ZNF197: variants seen among roughly 807,000 people sequenced by gnomAD.
ZNF197 encodes zinc finger protein 197.
In ZNF197, 14 loss-of-function variants were observed where a neutral mutation model predicts 27.4. The ratio of observed to expected loss-of-function variants is 0.51; its 90% CI spans 0.34 to 0.80. The LOEUF is 0.80. Among genes scored for constraint, ZNF197 ranks in the 30% least tolerant of loss-of-function variants. ZNF197 has a pLI of 0.02. For synonymous variants in ZNF197, 415 were observed against 420.0 expected (o/e 0.99, Z 0.15); for missense variants, 1,090 against 1,222.6 (o/e 0.89, Z 1.62).
chr3:44,637,666 A>T (rs1702374184), intron 5 of ZNF197, among the ~76,000 whole-genome samples: 1 of 152,122 alleles, frequency 6.6e-6, no homozygotes, highest in South Asian at 2.1e-4. Flanking sequence ...ATCCATCTTC[A>T]TTCTTTTGCA....
intron 1 of ZNF197, among the ~76,000 whole-genome samples, chr3:44,626,746 T>C (rs1575451573): frequency 6.6e-6 from 1 of 152,220 alleles, no homozygotes; most frequent in East Asian, 1.9e-4. Flanking sequence ...AATTATAAAT[T>C]GGTTCAATCC....
In ZNF197 at chr3:44,645,480, A is replaced by G. The variant is rs1319145235; in HGVS notation, c.*1260A>G. The G allele has an allele frequency of 5.1e-6, 5 of 985,306 alleles. No individual in the cohort carries two copies. The highest frequency in any genetic ancestry group is 6.0e-6 in the Non-Finnish European group (5 of 829,930). The allele number at this position is 985,306 out of a possible 1,614,324, so 61.0% of individuals were successfully genotyped here. On this transcript the variant is annotated 3_prime_UTR_variant, in exon 6 of 6. Transcript: ENST00000344387. ...ACTAGATTATATATCTAGTTTATGT[A>G]TATGGAAAAAAATGTTATGGCCAGC...
chr3:44,643,227 C>T lies in ZNF197; in HGVS notation c.2097C>T (p.Leu699=). The change falls in exon 6 of 6, where the codon CTC becomes CTT. Residue 699 remains leucine (L), a synonymous_variant. Transcript: ENST00000344387. ...SNRNLIDHER[L]HNGEKPYECR... Reference sequence around the variant, plus strand: ...GAAACCTCATTGACCATGAGAGACTCCACAATGGGGAGAAGCCATATGAAT... The same window carrying T: ...GAAACCTCATTGACCATGAGAGACTTCACAATGGGGAGAAGCCATATGAAT... 1 of 1,614,026 alleles carries T rather than the reference C, an allele frequency of 6.2e-7. No individual in the cohort carries two copies. The highest frequency in any genetic ancestry group is 1.3e-5 in the African/African-American group (1 of 75,020).
chr3:44,644,007 G>A lies in ZNF197; in HGVS notation c.2877G>A (p.Gly959=), dbSNP rs367743535. ...TTCACACAGGGGAGAAACCCTATGG[G>A]TGTAATGATTGTAGTAAAGTTTTTA... ...QRIHTGEKPY[G]CNDCSKVFRQ... The change falls in exon 6 of 6, where the codon GGG becomes GGA. Residue 959 remains glycine (G), a synonymous_variant. Transcript: ENST00000344387. The A allele has an allele frequency of 1.9e-6, 3 of 1,614,146 alleles. No homozygotes were observed. The South Asian group carries it at 3.3e-5, about 18-fold the overall frequency.
Position 44,645,605 on chromosome 3 carries a change from C to T in ZNF197, c.*1385C>T, listed in dbSNP as rs1215349196. 8.1e-6 allele frequency: 8 copies of T among 985,354 alleles called. No homozygotes were observed. Among genetic ancestry groups the T allele is most frequent in the Middle Eastern group, 5.2e-4 (1 of 1,914 alleles). The allele number at this position is 985,354 out of a possible 1,614,324, so 61.0% of individuals were successfully genotyped here. On this transcript the variant is annotated 3_prime_UTR_variant, in exon 6 of 6. Transcript: ENST00000344387. ...AAAATGGAAGGGCAGTGGTACCCTGCTTTCCCTATTCAGAGGGAAAAAAAT... is the reference window on the plus strand; with the variant it reads ...AAAATGGAAGGGCAGTGGTACCCTGTTTTCCCTATTCAGAGGGAAAAAAAT...
intron 5 of ZNF197, among the ~76,000 whole-genome samples, chr3:44,638,483 C>G (rs1046838697): frequency 1.3e-5 from 2 of 151,970 alleles, no homozygotes; most frequent in African/African-American, 4.8e-5. Flanking sequence ...TAGTGATTTC[C>G]AAGGATTGTC....
At position 44,644,848 on chromosome 3, in the gene ZNF197, G is replaced by A. The variant is rs984646768; in HGVS notation, c.*628G>A. On this transcript the variant is annotated 3_prime_UTR_variant, in exon 6 of 6. Transcript: ENST00000344387. The stretch of plus-strand genomic sequence containing the variant: ...AAGCCTGGGTAACACGGGGAGACCC[G>A]TCTTTAGTAAATAAAAATAAATTTA... 9.4e-6 allele frequency: 9 copies of A among 961,538 alleles called. No homozygotes were observed. Among genetic ancestry groups the A allele is most frequent in the African/African-American group, 3.5e-5 (2 of 56,694 alleles). 59.6% of individuals were successfully genotyped at this position (961,538 alleles called of 1,614,324 possible).
In ZNF197 at chr3:44,643,504, T is replaced by A; in HGVS notation, c.2374T>A (p.Cys792Ser). 2 of 1,614,134 alleles carry A rather than the reference T, an allele frequency of 1.2e-6. No homozygotes were observed. The highest frequency in any genetic ancestry group is 1.7e-6 in the Non-Finnish European group (2 of 1,180,014). The change falls in exon 6 of 6, where the codon TGT becomes AGT. Residue 792 changes from cysteine (C) to serine (S), a missense_variant. Cys to Ser is a moderately radical substitution (Grantham distance 112). Coordinates refer to ENST00000344387, the MANE Select transcript of ZNF197 (RefSeq NM_006991.5). Reference protein sequence around the residue: ...RIHSGEKPYECDECGKCFILK... With the variant: ...RIHSGEKPYESDECGKCFILK... ...CCACAGTGGTGAGAAACCCTATGAG[T>A]GTGATGAGTGTGGCAAATGCTTCAT...
At position 44,630,393 on chromosome 3, in the gene ZNF197, C is replaced by G. The variant is rs1366151823; in HGVS notation, c.391-669C>G. 3.9e-5 allele frequency among the ~76,000 whole-genome samples: 6 copies of G among 152,256 alleles called. No individual in the cohort carries two copies. The East Asian group carries it at 1.2e-3, about 29-fold the overall frequency. On this transcript the variant is annotated intron_variant, in intron 2 of 5. Transcript: ENST00000344387. The stretch of plus-strand genomic sequence containing the variant: ...CATTAGATTGGGATCTTAATGTAGC[C>G]TCTCATGTGTGTGAGATTTCTTTTT...
In ZNF197 at chr3:44,642,239, A is replaced by G. The variant is rs1196109373; in HGVS notation, c.1109A>G (p.Tyr370Cys). 6.2e-7 allele frequency: 1 copy of G among 1,614,128 alleles called. No homozygotes were observed. The change falls in exon 6 of 6, where the codon TAT becomes TGT. Residue 370 changes from tyrosine to cysteine, a missense_variant. Physicochemically the swap from Tyr to Cys is radical, Grantham distance 194. Coordinates refer to ENST00000344387, the MANE Select transcript of ZNF197 (RefSeq NM_006991.5). ...SLIGTEGKKFYKCDMCCKHFN... is the reference protein window; with the variant it reads ...SLIGTEGKKFCKCDMCCKHFN... ...ATAGGTACTGAAGGAAAGAAGTTTT[A>G]TAAATGTGATATGTGTTGTAAACAT...
At position 44,644,296 on chromosome 3, in the gene ZNF197, GA is replaced by G. The variant is rs1702823359; in HGVS notation, c.*81del. 6.7e-7 allele frequency: 1 copy of G among 1,500,222 alleles called. No homozygotes were observed. The highest frequency in any genetic ancestry group is 8.8e-7 in the Non-Finnish European group (1 of 1,130,040). 92.9% of individuals were successfully genotyped at this position (1,500,222 alleles called of 1,614,324 possible). A position where few individuals can be genotyped will look rare whatever the true frequency, so the allele number is the denominator to read the frequency against. On this transcript the variant is annotated 3_prime_UTR_variant, in exon 6 of 6. Coordinates refer to ENST00000344387, the MANE Select transcript of ZNF197 (RefSeq NM_006991.5). The stretch of plus-strand genomic sequence containing the variant: ...ACAAATGATATATATTTCTTCTAAG[GA>G]AAAAGTTTATTATTTACTCTTTACT...
rs143813668 is a variant in ZNF197, at chr3:44,629,442, G to A, written c.288G>A (p.Gly96=). The change falls in exon 2 of 6, where the codon GGG becomes GGA. Residue 96 remains glycine, a synonymous_variant. Coordinates refer to ENST00000344387, the MANE Select transcript of ZNF197 (RefSeq NM_006991.5). ...AGCAGTTTCTGAGCATCCTGCCTGG[G>A]GAGATTCGGACCTGGGTACAGCTCC... is the stretch of plus-strand genomic sequence containing the variant. ...VLEQFLSILP[G]EIRTWVQLHH... The A allele has an allele frequency of 6.2e-7, 1 of 1,614,106 alleles. No individual in the cohort carries two copies. Among genetic ancestry groups the A allele is most frequent in the Non-Finnish European group, 8.5e-7 (1 of 1,179,966 alleles).
intron 2 of ZNF197, among the ~76,000 whole-genome samples, chr3:44,630,233 T>A (rs1370670782): frequency 6.6e-6 from 1 of 152,008 alleles, no homozygotes; most frequent in African/African-American, 2.4e-5. Flanking sequence ...AATAAATAAA[T>A]AAAATGGCAG....
At chr3:44,632,241 G>A in intron 4 of ZNF197, 45 bp downstream of exon 4, 1 of 1,599,232 alleles carries the variant, frequency 6.3e-7, no homozygotes, top group Non-Finnish European at 8.6e-7. Context: ...CAGCGTAACT[G>A]TGGCTGAAGT....
At position 44,632,468 on chromosome 3, in the gene ZNF197, T is replaced by G; in HGVS notation, c.643-5T>G. 3.2e-6 allele frequency: 5 copies of G among 1,582,360 alleles called. No individual in the cohort carries two copies. Among genetic ancestry groups the G allele is most frequent in the Non-Finnish European group, 4.3e-6 (5 of 1,168,108 alleles). The stretch of plus-strand genomic sequence containing the variant: ...TGGTAATCTCACACACACTTGTTAT[T>G]TCAGGAGTTGGTGATGTTCGAGGAG... On this transcript the variant is annotated splice_polypyrimidine_tract_variant and splice_region_variant and intron_variant, in intron 4 of 5. Coordinates refer to ENST00000344387, the MANE Select transcript of ZNF197 (RefSeq NM_006991.5).
At chr3:44,625,779 C>T (rs1173537848) in intron 1 of ZNF197, among the ~76,000 whole-genome samples, 6 of 151,628 alleles carry the variant, frequency 4.0e-5, no homozygotes, top group Non-Finnish European at 2.9e-5. Context: ...CACACACACA[C>T]ACACACACTC....
chr3:44,645,048 A>G lies in ZNF197; in HGVS notation c.*828A>G, dbSNP rs1026082378. 1.6e-5 allele frequency: 16 copies of G among 985,290 alleles called. No individual in the cohort carries two copies. Among genetic ancestry groups the G allele is most frequent in the African/African-American group, 3.5e-5 (2 of 57,224 alleles). The allele number at this position is 985,290 out of a possible 1,614,324, so 61.0% of individuals were successfully genotyped here. ...TCTGCTGATGAGGACAACCTAAAAG[A>G]GCACTGGATTTGGAATCAGAAGACC... On this transcript the variant is annotated 3_prime_UTR_variant, in exon 6 of 6. Coordinates refer to ENST00000344387, the MANE Select transcript of ZNF197 (RefSeq NM_006991.5).
In ZNF197 at chr3:44,637,892, G is replaced by T. The variant is rs1702387537; in HGVS notation, c.770-4008G>T. Among the ~76,000 whole-genome samples, 4 of 152,300 alleles carry T rather than the reference G, an allele frequency of 2.6e-5. No homozygotes were observed. The South Asian group carries it at 8.3e-4, about 32-fold the overall frequency. ...ATGGTACATTTTGAAATAAAAAGGT[G>T]TGAGTCTTCCAACTATGTTCTTTTT... is the stretch of plus-strand genomic sequence containing the variant. On this transcript the variant is annotated intron_variant, in intron 5 of 5. Coordinates refer to ENST00000344387, the MANE Select transcript of ZNF197 (RefSeq NM_006991.5).
At position 44,643,140 on chromosome 3, in the gene ZNF197, G is replaced by T. The variant is rs565866958; in HGVS notation, c.2010G>T (p.Arg670Ser). ...AGAAGAGCCTCATTTTACATCAAAGGTTCCACACTGGAGAGAATCTCTATG... is the reference window on the plus strand; with the variant it reads ...AGAAGAGCCTCATTTTACATCAAAGTTTCCACACTGGAGAGAATCTCTATG... ...ILKKSLILHQ[R>S]FHTGENLYEC... Residue 670 changes from arginine (R) to serine (S), a missense_variant, in exon 6 of 6, where the codon AGG becomes AGT. Transcript: ENST00000344387. 1.2e-6 allele frequency: 2 copies of T among 1,612,484 alleles called. No homozygotes were observed. Among genetic ancestry groups the T allele is most frequent in the Non-Finnish European group, 1.7e-6 (2 of 1,179,694 alleles).
Sources: allele counts gnomAD v4.1 joint callset (sites outside exome capture counted in the v4.1 genomes callset), GRCh38; gene constraint gnomAD v4.1.1; transcripts MANE v1.5; gene names NCBI Gene and HGNC (gene_info 2026-07-23, HGNC 2026-07-21).